FHIT: variants seen among roughly 807,000 people sequenced by gnomAD.
FHIT encodes bis(5'-adenosyl)-triphosphatase.
FHIT carries 19 observed loss-of-function variants against 17.9 expected under a neutral mutation model. That is an observed-to-expected ratio of 1.06 (90% CI 0.74 to 1.56). FHIT has a LOEUF of 1.56. Among genes scored for constraint, FHIT ranks in the 40% most tolerant of loss-of-function variants. The probability of loss-of-function intolerance (pLI) is 0.00; values close to 1 mark genes in which losing one functional copy is unlikely to be tolerated. For missense variants in FHIT, 248 were observed against 189.2 expected (o/e 1.31, Z -1.82); for synonymous variants, 81 against 69.7 (o/e 1.16, Z -0.81).
chr3:61,004,463 T>C (rs1376216793), intron 3 of FHIT, among the ~76,000 whole-genome samples: 1 of 152,156 alleles, frequency 6.6e-6, no homozygotes, highest in Non-Finnish European at 1.5e-5. Flanking sequence ...TTGGGTAGTA[T>C]GTAGGAAAAC....
chr3:60,343,948 C>T (rs1710648703), intron 5 of FHIT, among the ~76,000 whole-genome samples: 1 of 152,096 alleles, frequency 6.6e-6, no homozygotes, highest in African/African-American at 2.4e-5. Context: ...TCAAATGTGA[C>T]ATAATTTAAT....
At chr3:59,821,465 C>T (rs1700785307) in intron 8 of FHIT, among the ~76,000 whole-genome samples, 1 of 152,316 alleles carries the variant, frequency 6.6e-6, no homozygotes. Flanking sequence ...TTTGCCTCTT[C>T]ATGTGGTTTC....
chr3:60,029,879 T>TAGTGTGTGTGTGTGTA (rs1553655670), intron 5 of FHIT, among the ~76,000 whole-genome samples: 2 of 131,402 alleles, frequency 1.5e-5, no homozygotes, highest in African/African-American at 5.6e-5. Context: ...CATAGAAGCA[T>TAGTGTGTGTGTGTGTA]TGTGTGTGTG....
At chr3:61,080,171 A>G (rs903585578) in intron 2 of FHIT, among the ~76,000 whole-genome samples, 1 of 152,222 alleles carries the variant, frequency 6.6e-6, no homozygotes, top group African/African-American at 2.4e-5. Flanking sequence ...TTACTCAAGT[A>G]CTATTTAGTT....
At chr3:60,396,078 C>T (rs1404876691) in intron 5 of FHIT, among the ~76,000 whole-genome samples, 2 of 152,134 alleles carry the variant, frequency 1.3e-5, no homozygotes, top group East Asian at 3.9e-4. Flanking sequence ...TGATACCGCA[C>T]TTGCTACCCA....
intron 2 of FHIT, among the ~76,000 whole-genome samples, chr3:61,166,450 A>G (rs1010353566): frequency 6.6e-6 from 1 of 152,206 alleles, no homozygotes; most frequent in African/African-American, 2.4e-5. Flanking sequence ...TAGACCTGAC[A>G]TCCTTTAGAG....
chr3:60,245,104 T>A (rs1705326647), intron 5 of FHIT, among the ~76,000 whole-genome samples: 1 of 151,916 alleles, frequency 6.6e-6, no homozygotes, highest in Non-Finnish European at 1.5e-5. Flanking sequence ...AGCAGTCAGA[T>A]CCCCTAGGAT....
chr3:61,186,529 G>T (rs1560051647), intron 2 of FHIT, among the ~76,000 whole-genome samples: 1 of 152,212 alleles, frequency 6.6e-6, no homozygotes, highest in Non-Finnish European at 1.5e-5. Flanking sequence ...AAGCCAGTCT[G>T]CAGACAGAAG....
chr3:59,975,912 C>T (rs946010325), intron 7 of FHIT, among the ~76,000 whole-genome samples: 1 of 152,012 alleles, frequency 6.6e-6, no homozygotes, highest in Admixed American at 6.6e-5. Flanking sequence ...CTTCCTTTAC[C>T]GTCACAGAGA....
chr3:60,861,632 C>A (rs1199695529), intron 3 of FHIT, among the ~76,000 whole-genome samples: 2 of 151,860 alleles, frequency 1.3e-5, no homozygotes, highest in African/African-American at 2.4e-5. Context: ...CTCTCATGTT[C>A]CCCTTGAAAT....
chr3:59,755,981 T>C (rs1349701966), intron 8 of FHIT, among the ~76,000 whole-genome samples: 2 of 152,160 alleles, frequency 1.3e-5, no homozygotes, highest in African/African-American at 4.8e-5. Flanking sequence ...TTTTCCCCTT[T>C]GTAAAATGGG....
At chr3:59,926,867 A>G (rs965636448) in intron 7 of FHIT, among the ~76,000 whole-genome samples, 1 of 152,156 alleles carries the variant, frequency 6.6e-6, no homozygotes, top group East Asian at 1.9e-4. Flanking sequence ...ACCCTCCTAC[A>G]CTACTGGGGA....
chr3:60,128,324 C>T (rs1425500349), intron 5 of FHIT, among the ~76,000 whole-genome samples: 3 of 152,134 alleles, frequency 2.0e-5, no homozygotes, highest in African/African-American at 7.2e-5. Context: ...TCTCACAAGA[C>T]CTCATGTTTT....
chr3:60,262,047 T>C (rs1411614603), intron 5 of FHIT, among the ~76,000 whole-genome samples: 3 of 152,042 alleles, frequency 2.0e-5, no homozygotes, highest in African/African-American at 7.2e-5. Context: ...CCTATGTCTT[T>C]GGGTCTTCAT....
Position 60,148,666 on chromosome 3 carries a change from G to T in FHIT, c.104-134514C>A, listed in dbSNP as rs115649818. Reference sequence around the variant, plus strand: ...CACCGTAGTTAAAGACCAAATATCTGCCAGTGTTCCCAATAAGGAAAGATA... The same window carrying T: ...CACCGTAGTTAAAGACCAAATATCTTCCAGTGTTCCCAATAAGGAAAGATA... On this transcript the variant is annotated intron_variant, in intron 5 of 9. Coordinates refer to ENST00000492590, the MANE Select transcript of FHIT (RefSeq NM_002012.4). Among the ~76,000 whole-genome samples the T allele has an allele frequency of 3.3e-3, 501 of 152,242 alleles. 3 individuals carry two copies. The highest frequency in any genetic ancestry group is 0.011 in the African/African-American group (461 of 41,540).
At chr3:60,483,411 T>C (rs1276013885) in intron 5 of FHIT, among the ~76,000 whole-genome samples, 1 of 152,174 alleles carries the variant, frequency 6.6e-6, no homozygotes, top group Non-Finnish European at 1.5e-5. Flanking sequence ...CTGATGAGCA[T>C]CAATGCGAAA....
At chr3:59,969,185 G>A (rs1708065774) in intron 7 of FHIT, among the ~76,000 whole-genome samples, 1 of 152,150 alleles carries the variant, frequency 6.6e-6, no homozygotes, top group Non-Finnish European at 1.5e-5. Context: ...AAAGGGATCT[G>A]AGCTGTTCTA....
At chr3:59,943,124 C>G (rs73104555) in intron 7 of FHIT, among the ~76,000 whole-genome samples, 1 of 139,060 alleles carries the variant, frequency 7.2e-6, no homozygotes, top group Admixed American at 7.1e-5. Context: ...CTCAAAAGCA[C>G]ATAGTTTTGC....
At chr3:59,916,086 G>A (rs1437949382) in intron 8 of FHIT, among the ~76,000 whole-genome samples, 3 of 152,252 alleles carry the variant, frequency 2.0e-5, no homozygotes, top group African/African-American at 2.4e-5. Flanking sequence ...ATTAACATTT[G>A]AGTCAGTGGA....
Sources: gnomAD v4.1 joint callset for allele counts (sites outside exome capture counted in the v4.1 genomes callset) on GRCh38, gnomAD v4.1.1 for gene constraint, MANE v1.5 for transcripts, NCBI Gene and HGNC (gene_info 2026-07-23, HGNC 2026-07-21) for gene names.